Variants in ITIH5 observed in about 807,000 individuals in gnomAD.
ITIH5 encodes the protein inter-alpha-trypsin inhibitor heavy chain H5.
A neutral mutation model predicts 77.5 loss-of-function variants in ITIH5; 65 were observed. That is an observed-to-expected ratio of 0.84 (90% CI 0.69 to 1.03). The LOEUF (loss-of-function observed/expected upper bound fraction) is 1.03. ITIH5 is among the 50% of genes least tolerant of loss of function. The pLI is 0.00. For missense variants in ITIH5, 1,208 were observed against 1,213.1 expected, an observed-to-expected ratio of 1.00 and a Z score of 0.06; for synonymous variants, 525 against 494.3, an observed-to-expected ratio of 1.06 and a Z score of -0.82.
Position 7,562,924 on chromosome 10 carries a change from TCG to T in ITIH5, c.*157_*158del. 2 of 600,158 alleles carry T rather than the reference TCG, an allele frequency of 3.3e-6. No homozygotes were observed. Among genetic ancestry groups the T allele is most frequent in the Non-Finnish European group, 6.2e-6 (2 of 324,990 alleles). The allele number at this position is 600,158 out of a possible 1,614,324, so 37.2% of individuals were successfully genotyped here. A position where few individuals can be genotyped will look rare whatever the true frequency, so the allele number is the denominator to read the frequency against. The stretch of plus-strand genomic sequence containing the variant: ...TCCCGCCCCTACCCACCCCTACCCT[TCG>T]CCCAGACAGACGTCGGATCTATGCT... On this transcript the variant is annotated 3_prime_UTR_variant, in exon 14 of 14. Transcript: ENST00000397146.
Position 7,585,785 on chromosome 10 carries a change from T to C in ITIH5, c.1108+116A>G, listed in dbSNP as rs1832660382. 1.1e-5 allele frequency: 10 copies of C among 886,442 alleles called. No individual in the cohort carries two copies. The South Asian group carries it at 1.9e-4, about 16-fold the overall frequency. 54.9% of individuals were successfully genotyped at this position (886,442 alleles called of 1,614,324 possible). A position where few individuals can be genotyped will look rare whatever the true frequency, so the allele number is the denominator to read the frequency against. Reference sequence around the variant, plus strand: ...GAAAGCTCTCGCCTGCAGTCTCCCTTCCTGCCATCAACCCCAGCTTTCAAA... The same window carrying C: ...GAAAGCTCTCGCCTGCAGTCTCCCTCCCTGCCATCAACCCCAGCTTTCAAA... On this transcript the variant is annotated intron_variant, in intron 8 of 13. Transcript: ENST00000397146.
At chr10:7,648,810 C>G in intron 2 of ITIH5, among the ~76,000 whole-genome samples, 1 of 152,162 alleles carries the variant, frequency 6.6e-6, no homozygotes, top group South Asian at 2.1e-4. Flanking sequence ...ATCACATTAT[C>G]TTCTTATACC....
chr10:7,658,847 C>T (rs1207645147), intron 1 of ITIH5, among the ~76,000 whole-genome samples: 1 of 152,052 alleles, frequency 6.6e-6, no homozygotes, highest in Admixed American at 6.5e-5. Context: ...GTAAATGTTT[C>T]CTATCAGACT....
At chr10:7,664,424 T>C (rs531720849) in intron 1 of ITIH5, among the ~76,000 whole-genome samples, 1 of 148,466 alleles carries the variant, frequency 6.7e-6, no homozygotes, top group Non-Finnish European at 1.5e-5. Context: ...AACTAAAATG[T>C]GTTCCATGGA....
chr10:7,662,251 G>T (rs567167713), intron 1 of ITIH5, among the ~76,000 whole-genome samples: 33 of 152,186 alleles, frequency 2.2e-4, no homozygotes, highest in Non-Finnish European at 3.7e-4. Context: ...CAGCTACTTG[G>T]GAGGCTGAGG....
chr10:7,604,704 T>C (rs1833086666), intron 7 of ITIH5, among the ~76,000 whole-genome samples: 1 of 152,208 alleles, frequency 6.6e-6, no homozygotes, highest in Admixed American at 6.5e-5. Flanking sequence ...GAAAATTGTA[T>C]CCCATCTTCA....
At chr10:7,637,969 AAT>A (rs777867542) in intron 4 of ITIH5, among the ~76,000 whole-genome samples, 4 of 152,226 alleles carry the variant, frequency 2.6e-5, no homozygotes, top group Non-Finnish European at 5.9e-5. Context: ...AGCTGACAAA[AAT>A]ACACTCCAGA....
At chr10:7,643,412 A>G (rs1833919968) in intron 2 of ITIH5, among the ~76,000 whole-genome samples, 1 of 152,314 alleles carries the variant, frequency 6.6e-6, no homozygotes, top group African/African-American at 2.4e-5. Context: ...AAGCTTAGTG[A>G]GGGCACATAT....
At chr10:7,622,200 A>AG (rs1276667033) in intron 5 of ITIH5, 1 of 152,212 alleles carries the variant, frequency 6.6e-6, no homozygotes, top group African/African-American at 2.4e-5. Flanking sequence ...CAGGACTCCC[A>AG]GGGGGCTCTC....
intron 12 of ITIH5, among the ~76,000 whole-genome samples, chr10:7,567,553 T>G (rs973635836): frequency 6.6e-6 from 1 of 151,306 alleles, no homozygotes; most frequent in Admixed American, 6.6e-5. Context: ...GTGTTCTCAT[T>G]GTTCAATTCC....
chr10:7,634,099 A>AG (rs1388553631), intron 5 of ITIH5, among the ~76,000 whole-genome samples: 1 of 151,654 alleles, frequency 6.6e-6, no homozygotes, highest in East Asian at 1.9e-4. Flanking sequence ...AAAAAAAAAA[A>AG]AAAAAAAAAA....
intron 1 of ITIH5, among the ~76,000 whole-genome samples, chr10:7,657,250 T>C (rs1216196799): frequency 6.6e-6 from 1 of 151,784 alleles, no homozygotes; most frequent in Non-Finnish European, 1.5e-5. Context: ...AGTTTCACCA[T>C]GTTGGCCAGC....
At chr10:7,620,925 T>G (rs1262034585) in intron 5 of ITIH5, 1 of 151,984 alleles carries the variant, frequency 6.6e-6, no homozygotes, top group Non-Finnish European at 1.5e-5. Flanking sequence ...CCCACGAGGG[T>G]GTAGAGCAGT....
intron 5 of ITIH5, chr10:7,619,070 A>G (rs1215850871): frequency 6.6e-6 from 1 of 152,284 alleles, no homozygotes; most frequent in Admixed American, 6.5e-5. Context: ...AGTTGGGAAA[A>G]TCCAGACAGT....
chr10:7,635,471 A>T (rs1833784381), intron 5 of ITIH5, among the ~76,000 whole-genome samples: 1 of 152,188 alleles, frequency 6.6e-6, no homozygotes, highest in East Asian at 1.9e-4. Flanking sequence ...AGAATGGTGT[A>T]TTGGATCTCA....
rs568622570 is a variant in ITIH5 at position 7,578,943 on chromosome 10, C to A, written c.1418+812G>T. Among the ~76,000 whole-genome samples the A allele has an allele frequency of 5.0e-4, 76 of 152,308 alleles. 2 individuals carry two copies. In the South Asian group the frequency reaches 0.014, roughly 28 times the overall value. On this transcript the variant is annotated intron_variant, in intron 9 of 13. Transcript: ENST00000397146. ...TAATCTGATTATTTAACAGTTTTAT[C>A]TGATGGTTTTGCTTCCAAATAAAAG...
intron 4 of ITIH5, 80 bp from the exon 5 acceptor site, chr10:7,637,558 A>G: frequency 1.4e-6 from 2 of 1,419,248 alleles, no homozygotes; most frequent in South Asian, 2.7e-5. Flanking sequence ...ACAGGGCACC[A>G]GCCATACCCT....
At chr10:7,571,881 G>T in intron 11 of ITIH5, 1 of 735,216 alleles carries the variant, frequency 1.4e-6, no homozygotes, top group Non-Finnish European at 1.7e-6. Context: ...TTTTTGATCT[G>T]TTGTTGGTTC....
At chr10:7,612,467 A>G (rs1226441008) in intron 7 of ITIH5, among the ~76,000 whole-genome samples, 1 of 152,214 alleles carries the variant, frequency 6.6e-6, no homozygotes, top group Admixed American at 6.5e-5. Flanking sequence ...GGCCATTAGA[A>G]TCAGGTTTTT....
Sources: allele counts gnomAD v4.1 joint callset (sites outside exome capture counted in the v4.1 genomes callset), GRCh38; gene constraint gnomAD v4.1.1; transcripts MANE v1.5; gene names NCBI Gene and HGNC (gene_info 2026-07-23, HGNC 2026-07-21).